The following SYN3 variants were observed in gnomAD, a reference collection of about 807,000 sequenced individuals.
The protein encoded by SYN3 is synapsin-3.
SYN3 carries 35 observed loss-of-function variants against 65.8 expected under a neutral mutation model. The observed-to-expected ratio is 0.53, with a 90% CI of 0.41 to 0.70. The LOEUF (loss-of-function observed/expected upper bound fraction) is 0.70, where lower values mean the gene tolerates loss of function less well. SYN3 is among the 30% of genes least tolerant of loss of function. The pLI is 0.00. For synonymous variants in SYN3, 270 were observed against 292.9 expected (o/e 0.92, Z 0.80); for missense variants, 680 against 749.0 (o/e 0.91, Z 1.08).
rs566599789 is a variant in SYN3 at position 32,658,113 on chromosome 22, C to T, written c.712-61377G>A. On this transcript the variant is annotated intron_variant, in intron 6 of 13. Coordinates refer to ENST00000358763, the MANE Select transcript of SYN3 (RefSeq NM_003490.4). ...GGAGAGAGAAAAAAGGAGGGTGGGC[C>T]GGGAGTCGGGAGGAGACCTCTCCAT... Among the ~76,000 whole-genome samples the T allele has an allele frequency of 5.7e-4, 86 of 152,202 alleles. 1 individual carries two copies. The South Asian group carries it at 0.017, about 31-fold the overall frequency.
chr22:32,957,715 T>G (rs1251071509), intron 3 of SYN3, among the ~76,000 whole-genome samples: 1 of 152,188 alleles, frequency 6.6e-6, no homozygotes, highest in African/African-American at 2.4e-5. Context: ...TTCAAAAGTC[T>G]GCTGTGAAAT....
At chr22:32,721,267 TC>T (rs1432858558) in intron 6 of SYN3, among the ~76,000 whole-genome samples, 1 of 152,174 alleles carries the variant, frequency 6.6e-6, no homozygotes, top group African/African-American at 2.4e-5. Flanking sequence ...GTAAAGGTGG[TC>T]CATGGGGTGG....
chr22:33,041,009 G>A (rs1429769825), intron 1 of SYN3, among the ~76,000 whole-genome samples: 1 of 151,736 alleles, frequency 6.6e-6, no homozygotes, highest in Non-Finnish European at 1.5e-5. Flanking sequence ...CCAACTCCCT[G>A]GTTCAAGCGA....
chr22:32,621,746 T>C (rs1451482691), intron 6 of SYN3, among the ~76,000 whole-genome samples: 2 of 152,170 alleles, frequency 1.3e-5, no homozygotes, highest in African/African-American at 4.8e-5. Flanking sequence ...CATTATGGAA[T>C]CTCCTCTGTT....
At chr22:32,999,708 AAAAC>A (rs1479800280) in intron 2 of SYN3, among the ~76,000 whole-genome samples, 1 of 112,024 alleles carries the variant, frequency 8.9e-6, no homozygotes, top group African/African-American at 3.1e-5. Context: ...AAACAAAACA[AAAAC>A]AAACAATAAA....
intron 2 of SYN3, among the ~76,000 whole-genome samples, chr22:32,983,194 C>A (rs184213396): frequency 1.5e-4 from 23 of 152,284 alleles, no homozygotes; most frequent in East Asian, 9.7e-4. Flanking sequence ...AATACTCATT[C>A]TCCCCTTTTC....
At chr22:32,971,084 C>G (rs1399818802) in intron 3 of SYN3, among the ~76,000 whole-genome samples, 1 of 152,168 alleles carries the variant, frequency 6.6e-6, no homozygotes, top group African/African-American at 2.4e-5. Flanking sequence ...TAATGCGGCA[C>G]CTAGCAAATA....
intron 6 of SYN3, among the ~76,000 whole-genome samples, chr22:32,646,823 C>T (rs571689662): frequency 6.6e-6 from 1 of 152,310 alleles, no homozygotes; most frequent in East Asian, 1.9e-4. Flanking sequence ...GGCAAGGCCC[C>T]CTCTCCCTCT....
chr22:32,535,684 T>C (rs1302514130), intron 9 of SYN3, among the ~76,000 whole-genome samples: 1 of 151,972 alleles, frequency 6.6e-6, no homozygotes, highest in African/African-American at 2.4e-5. Flanking sequence ...AGGATGAACC[T>C]TGGGGTCCCC....
intron 4 of SYN3, among the ~76,000 whole-genome samples, chr22:32,914,438 GTT>G (rs137545): frequency 0.012 from 1,389 of 119,626 alleles, 20 homozygotes; most frequent in African/African-American, 0.034. Flanking sequence ...ATCATGTGGA[GTT>G]TTTTTTTTTT....
intron 6 of SYN3, among the ~76,000 whole-genome samples, chr22:32,643,565 GC>G (rs2059937352): frequency 3.1e-4 from 28 of 91,182 alleles, no homozygotes; most frequent in African/African-American, 3.5e-4. Context: ...GGCGGGGGGG[GC>G]AGAACAGACC....
chr22:32,685,220 TGACAGCAGG>T (rs2060574370), intron 6 of SYN3, among the ~76,000 whole-genome samples: 1 of 152,228 alleles, frequency 6.6e-6, no homozygotes, highest in Non-Finnish European at 1.5e-5. Context: ...GGGTTTCTGT[TGACAGCAGG>T]GTTTCCTCAG....
intron 1 of SYN3, among the ~76,000 whole-genome samples, chr22:33,033,005 C>T (rs1021981672): frequency 2.6e-5 from 4 of 151,986 alleles, no homozygotes; most frequent in Non-Finnish European, 5.9e-5. Context: ...CCCATGTGTG[C>T]TCAGAATAAA....
intron 4 of SYN3, among the ~76,000 whole-genome samples, chr22:32,908,433 C>T (rs187981469): frequency 2.7e-5 from 4 of 145,772 alleles, no homozygotes; most frequent in Admixed American, 1.4e-4. Flanking sequence ...CTGTATCACC[C>T]AGGCTGGGGT....
intron 6 of SYN3, among the ~76,000 whole-genome samples, chr22:32,767,093 G>A (rs375062288): frequency 9.9e-5 from 15 of 152,006 alleles, no homozygotes; most frequent in African/African-American, 3.1e-4. Context: ...TCCAATCATC[G>A]GAATTGACTC....
intron 6 of SYN3, among the ~76,000 whole-genome samples, chr22:32,692,405 C>T (rs998644948): frequency 1.3e-5 from 2 of 152,202 alleles, no homozygotes; most frequent in Non-Finnish European, 2.9e-5. Context: ...AGCCTTTGGT[C>T]CTCTACCCAG....
intron 6 of SYN3, among the ~76,000 whole-genome samples, chr22:32,839,272 T>C (rs1323822057): frequency 1.3e-5 from 2 of 152,044 alleles, no homozygotes; most frequent in Non-Finnish European, 2.9e-5. Context: ...GGTGAGGATG[T>C]AAATGAGGGT....
chr22:32,687,098 A>T (rs1425436343), intron 6 of SYN3, among the ~76,000 whole-genome samples: 1 of 152,062 alleles, frequency 6.6e-6, no homozygotes, highest in African/African-American at 2.4e-5. Context: ...GCCCAGGCTG[A>T]GTGTTCTCCT....
intron 4 of SYN3, among the ~76,000 whole-genome samples, chr22:32,902,915 A>T (rs2049802150): frequency 6.6e-6 from 1 of 151,426 alleles, no homozygotes; most frequent in Non-Finnish European, 1.5e-5. Flanking sequence ...TATTTTACTG[A>T]GGAGGACACT....
Sources: gnomAD v4.1 joint callset for allele counts (sites outside exome capture counted in the v4.1 genomes callset) on GRCh38, gnomAD v4.1.1 for gene constraint, MANE v1.5 for transcripts, NCBI Gene and HGNC (gene_info 2026-07-23, HGNC 2026-07-21) for gene names.